Variants in ADAMTS18 observed in about 807,000 individuals in gnomAD.
ADAMTS18 encodes ADAM metallopeptidase with thrombospondin type 1 motif 18, also known as A disintegrin and metalloproteinase with thrombospondin motifs 18.
A neutral mutation model predicts 165.9 loss-of-function variants in ADAMTS18; 157 were observed. That is an observed-to-expected ratio of 0.95 (90% CI 0.83 to 1.08). The LOEUF is 1.08. ADAMTS18 is among the 50% of genes least tolerant of loss of function. ADAMTS18 has a pLI of 0.00. For missense variants in ADAMTS18, 2,040 were observed against 1,534.0 expected, an observed-to-expected ratio of 1.33 and a Z score of -5.51; for synonymous variants, 782 against 578.2, an observed-to-expected ratio of 1.35 and a Z score of -5.06.
intron 11 of ADAMTS18, among the ~76,000 whole-genome samples, chr16:77,337,616 G>C (rs2056330002): frequency 6.6e-6 from 1 of 152,160 alleles, no homozygotes; most frequent in Non-Finnish European, 1.5e-5. Context: ...GCAAATTACT[G>C]ACCAATGTAC....
chr16:77,432,754 C>A (rs1042486137), intron 2 of ADAMTS18, among the ~76,000 whole-genome samples: 2 of 144,306 alleles, frequency 1.4e-5, no homozygotes, highest in Non-Finnish European at 3.1e-5. Flanking sequence ...AGTCAACAAC[C>A]TTCCCCCTCC....
At chr16:77,421,847 A>T (rs1045634063) in intron 3 of ADAMTS18, among the ~76,000 whole-genome samples, 3 of 152,228 alleles carry the variant, frequency 2.0e-5, no homozygotes, top group African/African-American at 7.2e-5. Flanking sequence ...TCACAAAAAA[A>T]TCCTGGAAAT....
At chr16:77,309,873 G>T (rs1482775177) in intron 16 of ADAMTS18, among the ~76,000 whole-genome samples, 3 of 152,180 alleles carry the variant, frequency 2.0e-5, no homozygotes, top group African/African-American at 7.2e-5. Context: ...CTTCCTAGGT[G>T]TAAGTTATTC....
intron 10 of ADAMTS18, among the ~76,000 whole-genome samples, chr16:77,353,123 G>A (rs2056579553): frequency 6.6e-6 from 1 of 152,064 alleles, no homozygotes; most frequent in Admixed American, 6.6e-5. Flanking sequence ...TTACTTTCTG[G>A]TAAAGTTGAG....
chr16:77,354,171 A>C (rs1039308601), intron 9 of ADAMTS18, among the ~76,000 whole-genome samples: 1 of 152,160 alleles, frequency 6.6e-6, no homozygotes, highest in Non-Finnish European at 1.5e-5. Flanking sequence ...TACATTTGAA[A>C]ACTCCCATCA....
chr16:77,392,251 C>A (rs375651136), intron 3 of ADAMTS18, among the ~76,000 whole-genome samples: 3 of 152,182 alleles, frequency 2.0e-5, no homozygotes, highest in Non-Finnish European at 4.4e-5. Flanking sequence ...AGTGGTGTCA[C>A]GCTAATTTTG....
At chr16:77,413,879 G>T (rs1272063663) in intron 3 of ADAMTS18, among the ~76,000 whole-genome samples, 1 of 149,216 alleles carries the variant, frequency 6.7e-6, no homozygotes, top group Non-Finnish European at 1.5e-5. Flanking sequence ...AAATCAACAT[G>T]TACGTTCTGA....
At chr16:77,317,171 T>C (rs1352998572) in intron 16 of ADAMTS18, among the ~76,000 whole-genome samples, 1 of 152,162 alleles carries the variant, frequency 6.6e-6, no homozygotes, top group East Asian at 1.9e-4. Flanking sequence ...TCTGCCTTCA[T>C]TTATATATTC....
At chr16:77,427,050 G>A (rs1007944668) in intron 3 of ADAMTS18, among the ~76,000 whole-genome samples, 1 of 148,506 alleles carries the variant, frequency 6.7e-6, no homozygotes, top group Non-Finnish European at 1.5e-5. Flanking sequence ...ATGAGTCAAT[G>A]TGTCTAACAA....
At position 77,434,675 on chromosome 16, in the gene ADAMTS18, G is replaced by T; in HGVS notation, c.21C>A (p.Leu7=). The part of the protein sequence containing the change: MECALL[L]ACAFPAAGSG... ...AACCCGCAGCCGGGAAGGCACACGC[G>T]AGCAGGAGGGCGCACTCCATGGTCA... The change falls in exon 1 of 23, where the codon CTC becomes CTA. Residue 7 remains leucine, a synonymous_variant. Transcript: ENST00000282849. 1 of 1,478,432 alleles carries T rather than the reference G, an allele frequency of 6.8e-7. No homozygotes were observed. The highest frequency in any genetic ancestry group is 8.9e-7 in the Non-Finnish European group (1 of 1,121,384). 91.6% of individuals were successfully genotyped at this position (1,478,432 alleles called of 1,614,324 possible). A position where few individuals can be genotyped will look rare whatever the true frequency, so the allele number is the denominator to read the frequency against.
intron 22 of ADAMTS18, among the ~76,000 whole-genome samples, chr16:77,286,215 A>G: frequency 6.6e-6 from 1 of 152,144 alleles, no homozygotes; most frequent in Non-Finnish European, 1.5e-5. Context: ...TATGTGGTTC[A>G]CCTTCCTTGA....
chr16:77,319,440 C>T (rs909391428), intron 16 of ADAMTS18, among the ~76,000 whole-genome samples: 7 of 152,072 alleles, frequency 4.6e-5, no homozygotes, highest in Non-Finnish European at 7.4e-5. Flanking sequence ...TTAGGAAACA[C>T]CTTTTGTTGT....
At chr16:77,285,384 G>A (rs1302911977) in intron 22 of ADAMTS18, among the ~76,000 whole-genome samples, 2 of 151,262 alleles carry the variant, frequency 1.3e-5, no homozygotes, top group Admixed American at 6.6e-5. Context: ...TGTTGGTCAC[G>A]CTGGTCTCGA....
At chr16:77,428,434 T>TA (rs2144862267) in intron 3 of ADAMTS18, among the ~76,000 whole-genome samples, 1 of 152,264 alleles carries the variant, frequency 6.6e-6, no homozygotes, top group Non-Finnish European at 1.5e-5. Flanking sequence ...TCAATTTCAT[T>TA]AACCATCAGA....
intron 3 of ADAMTS18, among the ~76,000 whole-genome samples, chr16:77,396,889 C>T (rs1179409082): frequency 3.3e-5 from 5 of 151,894 alleles, no homozygotes; most frequent in African/African-American, 1.2e-4. Context: ...TCACTGCAAC[C>T]TCTGCCCCCT....
At chr16:77,383,415 A>C (rs2057060674) in intron 3 of ADAMTS18, among the ~76,000 whole-genome samples, 1 of 151,854 alleles carries the variant, frequency 6.6e-6, no homozygotes, top group African/African-American at 2.4e-5. Context: ...CATTCACTCC[A>C]TTGCTGTTCT....
chr16:77,319,884 C>T lies in ADAMTS18; in HGVS notation c.2497G>A (p.Ala833Thr), dbSNP rs375093710. 6.1e-5 allele frequency: 98 copies of T among 1,614,076 alleles called. 1 individual carries two copies. Among genetic ancestry groups the T allele is most frequent in the South Asian group, 1.9e-4 (17 of 91,094 alleles). Residue 833 changes from alanine (A) to threonine (T), a missense_variant, in exon 16 of 23, where the codon GCG becomes ACG. Physicochemically the swap from Ala to Thr is moderately conservative, Grantham distance 58. Transcript: ENST00000282849. ...AGCGTCTCATTTGTGGGCCCTGGCG[C>T]GTACAGACGTTCCGGGCGGTTGAAA... Reference protein sequence around the residue: ...RSFNRPERLYAPGPTNETLVF... With the variant: ...RSFNRPERLYTPGPTNETLVF...
At chr16:77,341,825 T>C (rs773601363) in intron 10 of ADAMTS18, 26 bp from the exon 11 acceptor site, 8 of 1,526,322 alleles carry the variant, frequency 5.2e-6, no homozygotes, top group Non-Finnish European at 7.2e-6. Flanking sequence ...AGGGGGGTGC[T>C]GTTAATGGTG....
intron 3 of ADAMTS18, among the ~76,000 whole-genome samples, chr16:77,417,262 G>A (rs998100757): frequency 1.3e-5 from 2 of 152,090 alleles, no homozygotes; most frequent in African/African-American, 4.8e-5. Flanking sequence ...GGGAGGATAG[G>A]TGGGTGGGTG....
Sources: allele counts gnomAD v4.1 joint callset (sites outside exome capture counted in the v4.1 genomes callset), GRCh38; gene constraint gnomAD v4.1.1; transcripts MANE v1.5; gene names NCBI Gene and HGNC (gene_info 2026-07-23, HGNC 2026-07-21).